The following SMAD4 variants were observed in gnomAD, a reference collection of about 807,000 sequenced individuals.
SMAD4 encodes SMAD family member 4.
Under a neutral mutation model 63.2 loss-of-function variants are expected in SMAD4, and 7 were observed. That is an observed-to-expected ratio of 0.11 (90% CI 0.06 to 0.21). The LOEUF (loss-of-function observed/expected upper bound fraction) is 0.21, where lower values mean the gene tolerates loss of function less well. Among genes scored for constraint, SMAD4 ranks in the 10% least tolerant of loss-of-function variants. SMAD4 has a pLI of 1.00. For missense variants in SMAD4, 312 were observed against 693.8 expected, an observed-to-expected ratio of 0.45 and a Z score of 6.18; for synonymous variants, 215 against 235.4, an observed-to-expected ratio of 0.91 and a Z score of 0.79.
rs998407810 is a variant in SMAD4 at position 51,034,798 on chromosome 18, G to C, written c.-128+4175G>C. Among the ~76,000 whole-genome samples, 4 of 146,296 alleles carry C rather than the reference G, an allele frequency of 2.7e-5. No individual in the cohort carries two copies. In the South Asian group the frequency reaches 8.9e-4, roughly 32 times the overall value. On this transcript the variant is annotated intron_variant, in intron 1 of 11. Coordinates refer to ENST00000342988, the MANE Select transcript of SMAD4 (RefSeq NM_005359.6). The stretch of plus-strand genomic sequence containing the variant: ...TGGGTTCAAGTGATCGTCCCACCTC[G>C]ACCTCCCAAAGTGCTGGGATTAAAG...
intron 1 of SMAD4, among the ~76,000 whole-genome samples, chr18:51,033,449 C>A (rs1909112159): frequency 6.6e-6 from 1 of 152,202 alleles, no homozygotes; most frequent in East Asian, 1.9e-4. Flanking sequence ...CTTGGCCTCC[C>A]AAAGTGCTGG....
chr18:51,056,428 G>A (rs1007915869), intron 5 of SMAD4, among the ~76,000 whole-genome samples: 1 of 151,794 alleles, frequency 6.6e-6, no homozygotes, highest in Non-Finnish European at 1.5e-5. Context: ...TTTAATAATC[G>A]AATACCGTAA....
chr18:51,034,818 TTAAA>T (rs1909157868), intron 1 of SMAD4, among the ~76,000 whole-genome samples: 1 of 152,176 alleles, frequency 6.6e-6, no homozygotes, highest in Admixed American at 6.5e-5. Flanking sequence ...AGTGCTGGGA[TTAAA>T]GGCATGAGCC....
In SMAD4 at chr18:51,078,610, C is replaced by G; in HGVS notation, c.*143C>G. On this transcript the variant is annotated 3_prime_UTR_variant, in exon 12 of 12. Coordinates refer to ENST00000342988, the MANE Select transcript of SMAD4 (RefSeq NM_005359.6). ...TGAAAATGTGTTTGCTGCCTTGCTC[C>G]TAGCAGACAGAAACTGGATTAAAAC... The G allele has an allele frequency of 1.5e-6, 1 of 667,764 alleles. No homozygotes were observed. The highest frequency in any genetic ancestry group is 2.5e-6 in the Non-Finnish European group (1 of 400,242). The allele number at this position is 667,764 out of a possible 1,614,324, so 41.4% of individuals were successfully genotyped here.
Position 51,060,054 on chromosome 18 carries a change from C to G in SMAD4, c.955+138C>G, listed in dbSNP as rs928727634. 28 of 716,508 alleles carry G rather than the reference C, an allele frequency of 3.9e-5. No homozygotes were observed. In the African/African-American group the frequency reaches 4.5e-4, roughly 12 times the overall value. The allele number at this position is 716,508 out of a possible 1,614,324, so 44.4% of individuals were successfully genotyped here. A position where few individuals can be genotyped will look rare whatever the true frequency, so the allele number is the denominator to read the frequency against. On this transcript the variant is annotated intron_variant, in intron 8 of 11. Transcript: ENST00000342988. ...ACTCATCATGACATGAGTTAATCAA[C>G]AGTTTGAGTAGTCAATATAGTCACA...
intron 8 of SMAD4, among the ~76,000 whole-genome samples, chr18:51,063,131 C>T (rs1040799141): frequency 2.0e-5 from 3 of 151,980 alleles, no homozygotes; most frequent in Admixed American, 1.3e-4. Flanking sequence ...GGATTACAGG[C>T]GTGATCTACC....
chr18:51,051,469 T>TG, intron 4 of SMAD4: 1 of 448,438 alleles, frequency 2.2e-6, no homozygotes, highest in Non-Finnish European at 4.5e-6. Flanking sequence ...GTTAAAGTCT[T>TG]GTGGTAATCA....
intron 7 of SMAD4, among the ~76,000 whole-genome samples, chr18:51,059,020 A>G (rs1046374125): frequency 1.2e-4 from 18 of 152,212 alleles, no homozygotes; most frequent in Non-Finnish European, 2.5e-4. Context: ...ATAGTACCAA[A>G]GAAAACTTAG....
chr18:51,043,934 G>A (rs555521941), intron 1 of SMAD4, among the ~76,000 whole-genome samples: 1 of 152,268 alleles, frequency 6.6e-6, no homozygotes, highest in South Asian at 2.1e-4. Flanking sequence ...CACTTGCCTG[G>A]TATATGTCAG....
At chr18:51,053,561 T>A (rs1257821221) in intron 4 of SMAD4, 1 of 152,182 alleles carries the variant, frequency 6.6e-6, no homozygotes. Context: ...CTTCAGAATA[T>A]CATCTTCATG....
At chr18:51,075,583 C>T (rs1219032925) in intron 10 of SMAD4, among the ~76,000 whole-genome samples, 5 of 151,888 alleles carry the variant, frequency 3.3e-5, no homozygotes, top group Non-Finnish European at 2.9e-5. Context: ...TTTAAAAATG[C>T]AAATAAACAA....
intron 5 of SMAD4, among the ~76,000 whole-genome samples, chr18:51,055,491 A>C (rs1909819416): frequency 6.6e-6 from 1 of 151,998 alleles, no homozygotes; most frequent in South Asian, 2.1e-4. Context: ...TTTTGATATA[A>C]GCTAACTTCT....
chr18:51,040,630 A>G (rs1386307024), intron 1 of SMAD4, among the ~76,000 whole-genome samples: 1 of 152,230 alleles, frequency 6.6e-6, no homozygotes, highest in African/African-American at 2.4e-5. Flanking sequence ...CTCTCTGGCC[A>G]GTATTCAGCC....
chr18:51,054,981 G>A lies in SMAD4; in HGVS notation c.655G>A (p.Val219Met), dbSNP rs1368696589. 1.9e-6 allele frequency: 3 copies of A among 1,613,560 alleles called. No homozygotes were observed. Among genetic ancestry groups the A allele is most frequent in the Non-Finnish European group, 1.7e-6 (2 of 1,179,484 alleles). Residue 219 changes from valine (V) to methionine (M), a missense_variant, in exon 5 of 12, where the codon GTG (valine) becomes ATG (methionine). By Grantham distance (21) the Val-to-Met change is conservative. Coordinates refer to ENST00000342988, the MANE Select transcript of SMAD4 (RefSeq NM_005359.6). ...TSTANFPNIP[V>M]ASTSQPASIL... ...CACTGCCAACTTTCCCAACATTCCT[G>A]TGGCTTCCACAAGTGAGTTCTAGAA...
chr18:51,048,465 A>G (rs1334167999), intron 2 of SMAD4, among the ~76,000 whole-genome samples: 1 of 152,188 alleles, frequency 6.6e-6, no homozygotes, highest in Non-Finnish European at 1.5e-5. Flanking sequence ...GTCACTTTTT[A>G]CATTTTTAAA....
intron 1 of SMAD4, among the ~76,000 whole-genome samples, chr18:51,040,372 C>G (rs1258291610): frequency 6.7e-6 from 1 of 149,920 alleles, no homozygotes; most frequent in Non-Finnish European, 1.5e-5. Flanking sequence ...GGCAGTGAGC[C>G]AAGATGGCAC....
chr18:51,073,555 G>A (rs1834674413), intron 10 of SMAD4, among the ~76,000 whole-genome samples: 1 of 151,172 alleles, frequency 6.6e-6, no homozygotes, highest in South Asian at 2.1e-4. Context: ...TTTTGAGACG[G>A]AGTCTTGCTC....
Position 51,050,441 on chromosome 18 carries a change from C to T in SMAD4, c.454+1117C>T, listed in dbSNP as rs561183478. 4.0e-5 allele frequency among the ~76,000 whole-genome samples: 6 copies of T among 151,684 alleles called. No homozygotes were observed. The East Asian group carries it at 9.7e-4, about 25-fold the overall frequency. Reference sequence around the variant, plus strand: ...TTGGGAGGCCGAGGAGGGCGGATCACGAGGTCAGGAGATCGAGACCATCCT... The same window carrying T: ...TTGGGAGGCCGAGGAGGGCGGATCATGAGGTCAGGAGATCGAGACCATCCT... On this transcript the variant is annotated intron_variant, in intron 4 of 11. Transcript: ENST00000342988.
chr18:51,030,806 T>G (rs1390046819), intron 1 of SMAD4, among the ~76,000 whole-genome samples, 183 bp downstream of exon 1: 1 of 151,300 alleles, frequency 6.6e-6, no homozygotes, highest in Non-Finnish European at 1.5e-5. Context: ...GCCGGCTGAA[T>G]GCCGGGCGGC....
Sources: gnomAD v4.1 joint callset for allele counts (sites outside exome capture counted in the v4.1 genomes callset) on GRCh38, gnomAD v4.1.1 for gene constraint, MANE v1.5 for transcripts, NCBI Gene and HGNC (gene_info 2026-07-23, HGNC 2026-07-21) for gene names.